MBTD1: variants seen among roughly 807,000 people sequenced by gnomAD.
MBTD1 encodes mbt domain containing 1, also known as MBT domain-containing protein 1.
In MBTD1, 24 loss-of-function variants were observed where a neutral mutation model predicts 87.8. The observed-to-expected ratio is 0.27, with a 90% CI of 0.20 to 0.38. MBTD1 has a LOEUF of 0.38. MBTD1 is among the 10% of genes least tolerant of loss of function. The pLI, the probability that MBTD1 is intolerant of heterozygous loss-of-function variation, is 1.00. For missense variants in MBTD1, 436 were observed against 760.2 expected, an observed-to-expected ratio of 0.57 and a Z score of 5.02; for synonymous variants, 237 against 248.6, an observed-to-expected ratio of 0.95 and a Z score of 0.44.
At chr17:51,227,149 G>C (rs949128801) in intron 2 of MBTD1, among the ~76,000 whole-genome samples, 1 of 150,166 alleles carries the variant, frequency 6.7e-6, no homozygotes, top group African/African-American at 2.5e-5. Flanking sequence ...GGATGAGGCA[G>C]GAGAATGGCA....
rs2052744281 is a variant in MBTD1 at position 51,219,179 on chromosome 17, A to T, written c.289-135T>A. The T allele has an allele frequency of 1.8e-5, 10 of 571,206 alleles. No individual in the cohort carries two copies. In the Admixed American group the frequency reaches 2.3e-4, roughly 13 times the overall value. 35.4% of individuals were successfully genotyped at this position (571,206 alleles called of 1,614,324 possible). A position where few individuals can be genotyped will look rare whatever the true frequency, so the allele number is the denominator to read the frequency against. ...AAAATTATTAAAGCAGAGGAAACAT[A>T]CAAGAATTTTAACATGAGAATTTTT... On this transcript the variant is annotated intron_variant, in intron 4 of 16. Coordinates refer to ENST00000586178, the MANE Select transcript of MBTD1 (RefSeq NM_017643.3).
chr17:51,192,491 C>T, intron 15 of MBTD1: 2 of 627,208 alleles, frequency 3.2e-6, no homozygotes, highest in Non-Finnish European at 5.4e-6. Flanking sequence ...TATTACCTAC[C>T]AATAAACTTT....
chr17:51,237,552 G>GGCAAGTAACAACATGAAAAGATGCTCA (rs1200846004), intron 2 of MBTD1, among the ~76,000 whole-genome samples: 71 of 152,032 alleles, frequency 4.7e-4, no homozygotes, highest in African/African-American at 1.7e-3. Context: ...ATATACAGAT[G>GGCAAGTAACAACATGAAAAGATGCTCA]GCAAGTAACA....
chr17:51,247,165 G>C (rs971033882), intron 2 of MBTD1, among the ~76,000 whole-genome samples: 1 of 152,108 alleles, frequency 6.6e-6, no homozygotes, highest in Non-Finnish European at 1.5e-5. Context: ...GTTTTTGTTA[G>C]GAACAGGTGT....
At chr17:51,221,185 C>T (rs2052867076) in intron 3 of MBTD1, among the ~76,000 whole-genome samples, 1 of 152,202 alleles carries the variant, frequency 6.6e-6, no homozygotes, top group South Asian at 2.1e-4. Flanking sequence ...GTAGTCCCAG[C>T]TATTCAGGAG....
At chr17:51,233,345 T>C (rs1415457283) in intron 2 of MBTD1, among the ~76,000 whole-genome samples, 2 of 151,888 alleles carry the variant, frequency 1.3e-5, no homozygotes, top group Non-Finnish European at 2.9e-5. Context: ...CCAGGAAAGA[T>C]GCATCTATAG....
chr17:51,200,883 G>A (rs868003866), intron 12 of MBTD1, among the ~76,000 whole-genome samples: 4 of 150,952 alleles, frequency 2.6e-5, no homozygotes, highest in Admixed American at 6.6e-5. Context: ...AAAAAATGCT[G>A]GGTGCCGTGG....
At chr17:51,237,477 A>C (rs1160537807) in intron 2 of MBTD1, among the ~76,000 whole-genome samples, 2 of 152,212 alleles carry the variant, frequency 1.3e-5, no homozygotes, top group Non-Finnish European at 2.9e-5. Flanking sequence ...AGAAGTATCA[A>C]AATTCAATGA....
At chr17:51,246,093 T>C (rs748296381) in intron 2 of MBTD1, among the ~76,000 whole-genome samples, 8 of 152,224 alleles carry the variant, frequency 5.3e-5, no homozygotes, top group East Asian at 1.9e-4. Context: ...TTAATTATAG[T>C]TTGAGTATTC....
At position 51,203,944 on chromosome 17, in the gene MBTD1, T is replaced by A; in HGVS notation, c.605-19A>T. ...TTGTAACCTGAAACCCAGAAATAAATCACTACATAATAAGAAAATAAAATT... is the reference window on the plus strand; with the variant it reads ...TTGTAACCTGAAACCCAGAAATAAAACACTACATAATAAGAAAATAAAATT... On this transcript the variant is annotated intron_variant, in intron 7 of 16. Coordinates refer to ENST00000586178, the MANE Select transcript of MBTD1 (RefSeq NM_017643.3). The A allele has an allele frequency of 1.9e-6, 3 of 1,567,534 alleles. No homozygotes were observed. Among genetic ancestry groups the A allele is most frequent in the Non-Finnish European group, 2.6e-6 (3 of 1,154,774 alleles).
At position 51,180,440 on chromosome 17, in the gene MBTD1, A is replaced by T. The variant is rs2050259099; in HGVS notation, c.*136T>A. On this transcript the variant is annotated 3_prime_UTR_variant, in exon 17 of 17. Transcript: ENST00000586178. ...CCCGACTAAAATAGCTCCCCCACCC[A>T]CCTGAAAAATCTGGAACTGAAATCT... 1 of 32,390 alleles carries T rather than the reference A, an allele frequency of 3.1e-5. No individual in the cohort carries two copies. 2.0% of individuals were successfully genotyped at this position (32,390 alleles called of 1,614,324 possible).
chr17:51,200,559 CA>C (rs34253360), intron 12 of MBTD1, among the ~76,000 whole-genome samples: 3,948 of 62,010 alleles, frequency 0.064, 41 homozygotes, highest in Admixed American at 0.11. Context: ...GATACCATCT[CA>C]AAAAAAAAAA....
chr17:51,245,250 T>C (rs2054367172), intron 2 of MBTD1, among the ~76,000 whole-genome samples: 1 of 152,162 alleles, frequency 6.6e-6, no homozygotes, highest in African/African-American at 2.4e-5. Context: ...GTGCCTACTT[T>C]TTTTCTTCTT....
intron 8 of MBTD1, 31 bp from the exon 9 acceptor site, chr17:51,203,259 T>C (rs762942963): frequency 6.9e-6 from 8 of 1,167,196 alleles, no homozygotes; most frequent in South Asian, 6.8e-5. Context: ...AGTTATACTT[T>C]AGCAAAAAAG....
chr17:51,208,192 A>G (rs892768906), intron 6 of MBTD1, among the ~76,000 whole-genome samples: 2 of 152,200 alleles, frequency 1.3e-5, no homozygotes, highest in African/African-American at 4.8e-5. Flanking sequence ...TCTGAAGGAG[A>G]GGAAGAGAAT....
intron 6 of MBTD1, among the ~76,000 whole-genome samples, chr17:51,211,163 G>A (rs1188169420): frequency 3.7e-5 from 5 of 134,590 alleles, no homozygotes; most frequent in East Asian, 2.3e-4. Context: ...AAAAAAAAAA[G>A]GAAAAAAAAA....
At chr17:51,246,398 T>C (rs1055369370) in intron 2 of MBTD1, among the ~76,000 whole-genome samples, 4 of 152,204 alleles carry the variant, frequency 2.6e-5, no homozygotes, top group African/African-American at 9.7e-5. Flanking sequence ...TTGGAGCATT[T>C]TGGACTTCAG....
intron 2 of MBTD1, among the ~76,000 whole-genome samples, chr17:51,247,951 A>C (rs1173076003): frequency 6.6e-6 from 1 of 152,190 alleles, no homozygotes; most frequent in Non-Finnish European, 1.5e-5. Flanking sequence ...CAATTTTATT[A>C]AACTGTATTC....
chr17:51,239,308 CTTT>C (rs2054031885), intron 2 of MBTD1, among the ~76,000 whole-genome samples: 1 of 151,998 alleles, frequency 6.6e-6, no homozygotes, highest in Admixed American at 6.6e-5. Context: ...AATTACTGCC[CTTT>C]ATTATATGAT....
Sources: gnomAD v4.1 joint callset for allele counts (sites outside exome capture counted in the v4.1 genomes callset) on GRCh38, gnomAD v4.1.1 for gene constraint, MANE v1.5 for transcripts, NCBI Gene and HGNC (gene_info 2026-07-23, HGNC 2026-07-21) for gene names.